The following GLIPR1L1 variants were observed in gnomAD, a reference collection of about 807,000 sequenced individuals.
GLIPR1L1 encodes GLIPR1 like 1.
Under a neutral mutation model 29.9 loss-of-function variants are expected in GLIPR1L1, and 26 were observed. The observed-to-expected ratio is 0.87, with a 90% CI of 0.64 to 1.21. The LOEUF is 1.21. GLIPR1L1 is among the 50% of genes most tolerant of loss of function. The pLI, the probability that GLIPR1L1 is intolerant of heterozygous loss-of-function variation, is 0.00. For synonymous variants in GLIPR1L1, 77 were observed against 97.5 expected, an observed-to-expected ratio of 0.79 and a Z score of 1.24; for missense variants, 305 against 290.3, an observed-to-expected ratio of 1.05 and a Z score of -0.37.
At chr12:75,349,956 G>C (rs1031956770) in intron 3 of GLIPR1L1, among the ~76,000 whole-genome samples, 7 of 152,248 alleles carry the variant, frequency 4.6e-5, no homozygotes, top group African/African-American at 1.7e-4. Context: ...CTGCTGGCCA[G>C]CGGGGCAGGC....
chr12:75,355,890 ACAC>A (rs1365592940), intron 3 of GLIPR1L1, among the ~76,000 whole-genome samples: 1 of 152,178 alleles, frequency 6.6e-6, no homozygotes, highest in African/African-American at 2.4e-5. Context: ...GAAAAACCAA[ACAC>A]CACATGTTCT....
chr12:75,366,940 T>C lies in GLIPR1L1; in HGVS notation c.611-3020T>C, dbSNP rs569518357. ...GGGTTAACCACCCAGACATTCCCAC[T>C]CAGTCCCCAGTCACCCAAGGGGCAG... is the stretch of plus-strand genomic sequence containing the variant. On this transcript the variant is annotated intron_variant, in intron 4 of 5. Transcript: ENST00000378695. The C allele has an allele frequency of 3.0e-5, 21 of 701,834 alleles. No individual in the cohort carries two copies. In the Admixed American group the frequency reaches 4.2e-4, roughly 14 times the overall value. The allele number at this position is 701,834 out of a possible 1,614,324, so 43.5% of individuals were successfully genotyped here.
chr12:75,369,453 T>G (rs1211377606), intron 4 of GLIPR1L1: 21 of 886,086 alleles, frequency 2.4e-5, no homozygotes, highest in Non-Finnish European at 2.7e-5. Context: ...GTCAAAAAAA[T>G]TAATTAATTA....
intron 3 of GLIPR1L1, among the ~76,000 whole-genome samples, chr12:75,355,805 G>T (rs917700348): frequency 6.6e-6 from 1 of 152,132 alleles, no homozygotes; most frequent in African/African-American, 2.4e-5. Flanking sequence ...CCATAAAAAG[G>T]AATGAGATCA....
intron 4 of GLIPR1L1, chr12:75,369,678 A>T: frequency 1.0e-6 from 1 of 984,960 alleles, no homozygotes; most frequent in Non-Finnish European, 1.2e-6. Flanking sequence ...AAAGAGTGGG[A>T]AAAATAAAGT....
intron 1 of GLIPR1L1, among the ~76,000 whole-genome samples, chr12:75,337,204 C>T (rs532794647): frequency 6.6e-6 from 1 of 151,544 alleles, no homozygotes. Flanking sequence ...AGGTAGGAAA[C>T]AAGTTTAAAT....
intron 1 of GLIPR1L1, among the ~76,000 whole-genome samples, chr12:75,337,200 G>A (rs903433828): frequency 6.6e-6 from 1 of 151,596 alleles, no homozygotes; most frequent in African/African-American, 2.4e-5. Context: ...AAGAAGGTAG[G>A]AAACAAGTTT....
chr12:75,339,560 T>C (rs561933568), intron 1 of GLIPR1L1, among the ~76,000 whole-genome samples: 1 of 152,348 alleles, frequency 6.6e-6, no homozygotes, highest in African/African-American at 2.4e-5. Flanking sequence ...ACTCTGATGA[T>C]ACTTTCTTTT....
At chr12:75,343,553 A>G in intron 1 of GLIPR1L1, 140 bp from the exon 2 acceptor site, 1 of 663,714 alleles carries the variant, frequency 1.5e-6, no homozygotes, top group Non-Finnish European at 2.5e-6. Flanking sequence ...ATCACTAACT[A>G]TGCACATAAT....
intron 3 of GLIPR1L1, among the ~76,000 whole-genome samples, chr12:75,354,260 T>G (rs2139479931): frequency 6.6e-6 from 1 of 152,084 alleles, no homozygotes; most frequent in Admixed American, 6.6e-5. Context: ...AACCCCATTA[T>G]CTCAACCCAA....
At chr12:75,357,811 G>A (rs1203802470) in intron 3 of GLIPR1L1, among the ~76,000 whole-genome samples, 1 of 151,502 alleles carries the variant, frequency 6.6e-6, no homozygotes, top group African/African-American at 2.4e-5. Context: ...TGAACTGAAT[G>A]AAATTAAAAT....
intron 3 of GLIPR1L1, chr12:75,360,805 G>C (rs977331313): frequency 6.6e-6 from 1 of 152,188 alleles, no homozygotes; most frequent in African/African-American, 2.4e-5. Context: ...CCCTAGTAGA[G>C]GTTCTCCATG....
intron 3 of GLIPR1L1, among the ~76,000 whole-genome samples, chr12:75,362,311 C>T (rs965645957): frequency 6.6e-6 from 1 of 152,100 alleles, no homozygotes; most frequent in South Asian, 2.1e-4. Context: ...ACAATAAATA[C>T]CACTACACCA....
chr12:75,345,351 T>A (rs2042381357), intron 2 of GLIPR1L1, among the ~76,000 whole-genome samples: 1 of 152,186 alleles, frequency 6.6e-6, no homozygotes, highest in African/African-American at 2.4e-5. Flanking sequence ...TCTCAATTTT[T>A]AAAATTATTT....
At position 75,363,102 on chromosome 12, in the gene GLIPR1L1, A is replaced by G; in HGVS notation, c.522A>G (p.Ala174=). Residue 174 remains alanine (A), a splice_region_variant and synonymous_variant, in exon 4 of 6, where the codon GCA becomes GCG. Transcript: ENST00000378695. ...TAIFVCNYGP[A]GNFANMPPYV... is the part of the protein sequence containing the mutation. Reference sequence around the variant, plus strand: ...TAATCAATGTTTCTCTTTTTTACAGAGGAAATTTTGCAAATATGCCTCCTT... The same window carrying G: ...TAATCAATGTTTCTCTTTTTTACAGGGGAAATTTTGCAAATATGCCTCCTT... The G allele has an allele frequency of 6.5e-7, 1 of 1,527,500 alleles. No homozygotes were observed. Among genetic ancestry groups the G allele is most frequent in the Middle Eastern group, 1.8e-4 (1 of 5,456 alleles). The allele number at this position is 1,527,500 out of a possible 1,614,324, so 94.6% of individuals were successfully genotyped here.
At chr12:75,349,088 G>T (rs2042640593) in intron 3 of GLIPR1L1, among the ~76,000 whole-genome samples, 2 of 152,082 alleles carry the variant, frequency 1.3e-5, no homozygotes, top group Non-Finnish European at 2.9e-5. Context: ...GAGAACCCTA[G>T]AAATCTGCAA....
At chr12:75,359,799 T>A (rs1320474392) in intron 3 of GLIPR1L1, 1 of 152,152 alleles carries the variant, frequency 6.6e-6, no homozygotes, top group South Asian at 2.1e-4. Context: ...CCTGGATCTA[T>A]ACAACTACAA....
chr12:75,359,535 G>A (rs2139567792), intron 3 of GLIPR1L1, among the ~76,000 whole-genome samples: 1 of 151,446 alleles, frequency 6.6e-6, no homozygotes, highest in East Asian at 1.9e-4. Context: ...AAATTTAAAG[G>A]ACTAATACTA....
At chr12:75,369,621 T>C in intron 4 of GLIPR1L1, 1 of 984,894 alleles carries the variant, frequency 1.0e-6, no homozygotes, top group Non-Finnish European at 1.2e-6. Context: ...ATACAAAAAA[T>C]TCAACATGAA....
Sources: gnomAD v4.1 joint callset for allele counts (sites outside exome capture counted in the v4.1 genomes callset) on GRCh38, gnomAD v4.1.1 for gene constraint, MANE v1.5 for transcripts, NCBI Gene and HGNC (gene_info 2026-07-23, HGNC 2026-07-21) for gene names.